Variants in DPYSL5 observed in about 807,000 individuals in gnomAD.
DPYSL5 encodes the protein dihydropyrimidinase like 5.
DPYSL5 carries 9 observed loss-of-function variants against 58.4 expected under a neutral mutation model. That is an observed-to-expected ratio of 0.15 (90% CI 0.09 to 0.27). The LOEUF (loss-of-function observed/expected upper bound fraction) is 0.27. Among genes scored for constraint, DPYSL5 ranks in the 10% least tolerant of loss-of-function variants. The pLI, the probability that DPYSL5 is intolerant of heterozygous loss-of-function variation, is 1.00. For missense variants in DPYSL5, 499 were observed against 770.6 expected, an observed-to-expected ratio of 0.65 and a Z score of 4.17; for synonymous variants, 293 against 301.9, an observed-to-expected ratio of 0.97 and a Z score of 0.31.
At chr2:26,866,906 G>C (rs1189506950) in intron 1 of DPYSL5, among the ~76,000 whole-genome samples, 1 of 151,764 alleles carries the variant, frequency 6.6e-6, no homozygotes, top group African/African-American at 2.4e-5. Context: ...TAATTCTTTT[G>C]TATTTTTAGT....
At chr2:26,931,199 G>GTCTATATATATATATA (rs1287075956) in intron 5 of DPYSL5, among the ~76,000 whole-genome samples, 1 of 52,878 alleles carries the variant, frequency 1.9e-5, no homozygotes, top group Non-Finnish European at 4.2e-5. Flanking sequence ...GTGTGTGTGT[G>GTCTATATATATATATA]TGTGTATATA....
At chr2:26,911,904 A>G (rs757258478) in intron 2 of DPYSL5, among the ~76,000 whole-genome samples, 1 of 152,230 alleles carries the variant, frequency 6.6e-6, no homozygotes, top group Non-Finnish European at 1.5e-5. Context: ...CCCTAGACTT[A>G]GTGGCCATCA....
chr2:26,880,830 A>G lies in DPYSL5; in HGVS notation c.-4-17666A>G, dbSNP rs72851810. Among the ~76,000 whole-genome samples the G allele has an allele frequency of 9.3e-3, 1,416 of 151,968 alleles. 32 individuals carry two copies. The highest frequency in any genetic ancestry group is 0.032 in the African/African-American group (1,335 of 41,428). On this transcript the variant is annotated intron_variant, in intron 1 of 12. Transcript: ENST00000288699. ...CTCCGTGGTTCTTACAACTTCCCCAACCCAAGCCTTCTTTCAGCCAACATT... is the reference window on the plus strand; with the variant it reads ...CTCCGTGGTTCTTACAACTTCCCCAGCCCAAGCCTTCTTTCAGCCAACATT...
At position 26,877,809 on chromosome 2, in the gene DPYSL5, T is replaced by C. The variant is rs1366242807; in HGVS notation, c.-4-20687T>C. ...TACCTTGGGTTCTGGTTTTGTCCTG[T>C]AAACTACTTTCTTCACTCATAACCT... On this transcript the variant is annotated intron_variant, in intron 1 of 12. Transcript: ENST00000288699. The surrounding 1 kb of genome is among the most constrained non-coding windows in gnomAD (Gnocchi z 4.1). Among the ~76,000 whole-genome samples, 2 of 152,242 alleles carry C rather than the reference T, an allele frequency of 1.3e-5. No homozygotes were observed. The highest frequency in any genetic ancestry group is 1.3e-4 in the Admixed American group (2 of 15,282).
At chr2:26,886,363 CTG>C (rs1230826769) in intron 1 of DPYSL5, among the ~76,000 whole-genome samples, 1 of 152,106 alleles carries the variant, frequency 6.6e-6, no homozygotes. Flanking sequence ...TCACAGGTCT[CTG>C]TGTCATTATG....
At chr2:26,865,871 C>A (rs1572675004) in intron 1 of DPYSL5, among the ~76,000 whole-genome samples, 1 of 152,174 alleles carries the variant, frequency 6.6e-6, no homozygotes, top group African/African-American at 2.4e-5. Flanking sequence ...ACACACAGCC[C>A]TTGCCCCCCA....
At chr2:26,857,660 A>G (rs1665913445) in intron 1 of DPYSL5, among the ~76,000 whole-genome samples, 1 of 152,200 alleles carries the variant, frequency 6.6e-6, no homozygotes, top group Admixed American at 6.5e-5. Flanking sequence ...TATTTCTTAT[A>G]ATAATTTCAG....
intron 1 of DPYSL5, among the ~76,000 whole-genome samples, chr2:26,885,067 C>G (rs1226039269): frequency 6.6e-6 from 1 of 152,080 alleles, no homozygotes; most frequent in Non-Finnish European, 1.5e-5. Context: ...GGCGTGGTGG[C>G]AGGTACCTGT....
chr2:26,848,723 C>G (rs867056193), intron 1 of DPYSL5, among the ~76,000 whole-genome samples: 2 of 152,196 alleles, frequency 1.3e-5, no homozygotes, highest in Non-Finnish European at 2.9e-5. Context: ...ACACACCCTC[C>G]GTCCTTCTCG....
intron 3 of DPYSL5, among the ~76,000 whole-genome samples, chr2:26,926,649 G>A (rs1418234048): frequency 6.6e-6 from 1 of 152,128 alleles, no homozygotes; most frequent in Non-Finnish European, 1.5e-5. Context: ...ATAGGTGTGA[G>A]CATTTTCTAT....
intron 2 of DPYSL5, among the ~76,000 whole-genome samples, chr2:26,911,721 G>A (rs574099795): frequency 6.6e-6 from 1 of 152,176 alleles, no homozygotes; most frequent in Admixed American, 6.5e-5. Context: ...CTGAACCATC[G>A]CCCCTCTCCC....
At chr2:26,940,807 TATTTA>T (rs966997974) in intron 9 of DPYSL5, among the ~76,000 whole-genome samples, 32 of 151,996 alleles carry the variant, frequency 2.1e-4, no homozygotes, top group African/African-American at 7.7e-4. Flanking sequence ...TACCATACTT[TATTTA>T]ATCCTTCCCT....
intron 1 of DPYSL5, among the ~76,000 whole-genome samples, chr2:26,889,190 A>G (rs1290014497): frequency 2.0e-5 from 3 of 152,118 alleles, no homozygotes; most frequent in South Asian, 2.1e-4. Flanking sequence ...CTGCTACACA[A>G]TTATTGTGTT....
chr2:26,897,489 C>T (rs1218768952), intron 1 of DPYSL5, among the ~76,000 whole-genome samples: 1 of 152,140 alleles, frequency 6.6e-6, no homozygotes, highest in Non-Finnish European at 1.5e-5. Flanking sequence ...TTGAACCAGC[C>T]TTGCATTTTT....
chr2:26,926,031 C>T (rs1469220181), intron 3 of DPYSL5, among the ~76,000 whole-genome samples: 2 of 152,072 alleles, frequency 1.3e-5, no homozygotes, highest in African/African-American at 2.4e-5. Context: ...GCTTTGAGCT[C>T]GAATAAACTC....
At chr2:26,931,291 C>G (rs75528201) in intron 5 of DPYSL5, among the ~76,000 whole-genome samples, 3,198 of 145,028 alleles carry the variant, frequency 0.022, 86 homozygotes, top group African/African-American at 0.07. Context: ...AGGCTAATTT[C>G]CGGAGTCAAA....
intron 2 of DPYSL5, among the ~76,000 whole-genome samples, chr2:26,899,649 C>T (rs1479368936): frequency 2.0e-5 from 3 of 152,178 alleles, no homozygotes; most frequent in Non-Finnish European, 2.9e-5. Flanking sequence ...CCACCTCAAG[C>T]AGATGGCCCT....
intron 1 of DPYSL5, among the ~76,000 whole-genome samples, chr2:26,890,345 G>A (rs990546303): frequency 3.3e-5 from 5 of 152,170 alleles, no homozygotes; most frequent in African/African-American, 1.2e-4. Flanking sequence ...GCACACAAAT[G>A]TCCTAAACTT....
intron 6 of DPYSL5, 69 bp downstream of exon 6, chr2:26,931,753 A>G (rs1664995018): frequency 4.5e-6 from 7 of 1,564,960 alleles, no homozygotes; most frequent in Non-Finnish European, 4.4e-6. Flanking sequence ...GATGTCTGTA[A>G]TCCCAGCACT....
Sources: allele counts gnomAD v4.1 joint callset (sites outside exome capture counted in the v4.1 genomes callset), GRCh38; gene constraint gnomAD v4.1.1; non-coding constraint Gnocchi (gnomAD v3.1); transcripts MANE v1.5; gene names NCBI Gene and HGNC (gene_info 2026-07-23, HGNC 2026-07-21).